CNTNAP2: variants seen among roughly 807,000 people sequenced by gnomAD.
CNTNAP2 encodes contactin-associated protein-like 2.
CNTNAP2 carries 98 observed loss-of-function variants against 155.2 expected under a neutral mutation model. The observed-to-expected ratio is 0.63, with a 90% CI of 0.54 to 0.75. The LOEUF (loss-of-function observed/expected upper bound fraction) is 0.75, where lower values mean the gene tolerates loss of function less well. Among genes scored for constraint, CNTNAP2 ranks in the 30% least tolerant of loss-of-function variants. The pLI, the probability that CNTNAP2 is intolerant of heterozygous loss-of-function variation, is 0.00. For missense variants in CNTNAP2, 1,727 were observed against 1,688.1 expected, an observed-to-expected ratio of 1.02 and a Z score of -0.40; for synonymous variants, 651 against 631.2, an observed-to-expected ratio of 1.03 and a Z score of -0.47.
chr7:148,324,953 G>A (rs541986341), intron 21 of CNTNAP2, among the ~76,000 whole-genome samples: 1 of 152,286 alleles, frequency 6.6e-6, no homozygotes, highest in Non-Finnish European at 1.5e-5. Flanking sequence ...ATTCTAATCA[G>A]GCAGAGCAGA....
chr7:146,370,932 T>C (rs1439616837), intron 1 of CNTNAP2, among the ~76,000 whole-genome samples: 2 of 152,212 alleles, frequency 1.3e-5, no homozygotes, highest in East Asian at 3.8e-4. Context: ...AAAAGCTTGA[T>C]AGAGCTATAC....
At chr7:147,877,894 T>C (rs1261174342) in intron 13 of CNTNAP2, among the ~76,000 whole-genome samples, 2 of 152,352 alleles carry the variant, frequency 1.3e-5, no homozygotes, top group Middle Eastern at 3.4e-3. Flanking sequence ...CACCAGTGTT[T>C]GCTGGCTGCT....
intron 1 of CNTNAP2, among the ~76,000 whole-genome samples, chr7:146,334,551 GT>G (rs1484953816): frequency 6.6e-6 from 1 of 151,152 alleles, no homozygotes; most frequent in African/African-American, 2.4e-5. Flanking sequence ...GCACCTGAGA[GT>G]TTGAAAAATA....
rs147692881 is a variant in CNTNAP2, at chr7:148,299,510, G to A, written c.3475+32384G>A. 7.6e-3 allele frequency among the ~76,000 whole-genome samples: 1,157 copies of A among 152,272 alleles called. 12 individuals carry two copies. The highest frequency in any genetic ancestry group is 0.026 in the African/African-American group (1,092 of 41,556). ...GACAGGATGCACCTCCAATGACCAC[G>A]TGTTTCTAGGTTGTTTCCAAGGGCA... is the stretch of plus-strand genomic sequence containing the variant. On this transcript the variant is annotated intron_variant, in intron 21 of 23. Coordinates refer to ENST00000361727, the MANE Select transcript of CNTNAP2 (RefSeq NM_014141.6).
chr7:148,261,041 C>T (rs1367382392), intron 20 of CNTNAP2, among the ~76,000 whole-genome samples: 4 of 152,216 alleles, frequency 2.6e-5, no homozygotes, highest in Admixed American at 6.5e-5. Flanking sequence ...CTCAACTCCC[C>T]GCCTCTGGAG....
intron 11 of CNTNAP2, among the ~76,000 whole-genome samples, chr7:147,532,703 A>G (rs1799463778): frequency 2.0e-5 from 3 of 152,202 alleles, no homozygotes; most frequent in Admixed American, 2.0e-4. Context: ...AGGAGGCCTC[A>G]GAATCATGGT....
chr7:147,637,116 T>G (rs113218530), intron 12 of CNTNAP2, among the ~76,000 whole-genome samples: 73 of 152,236 alleles, frequency 4.8e-4, no homozygotes, highest in African/African-American at 1.6e-3. Flanking sequence ...TCAGCTGTTT[T>G]AAGGACTTGA....
chr7:146,767,603 T>C (rs2129184881), intron 1 of CNTNAP2, among the ~76,000 whole-genome samples: 1 of 152,236 alleles, frequency 6.6e-6, no homozygotes, highest in East Asian at 1.9e-4. Context: ...GAGCAAGAGA[T>C]ACACAAAAGC....
chr7:146,976,153 G>T (rs775430259), intron 3 of CNTNAP2, among the ~76,000 whole-genome samples: 3 of 152,176 alleles, frequency 2.0e-5, no homozygotes, highest in Non-Finnish European at 4.4e-5. Context: ...TATCACAGAG[G>T]CCAGGTGTGA....
intron 1 of CNTNAP2, among the ~76,000 whole-genome samples, chr7:146,679,237 C>T (rs1404885735): frequency 2.6e-5 from 4 of 151,932 alleles, no homozygotes; most frequent in Non-Finnish European, 5.9e-5. Context: ...TTAGCTTCCA[C>T]TTACAAGTGA....
At chr7:147,983,017 CAAAAAAAAAA>C (rs35946958) in intron 15 of CNTNAP2, among the ~76,000 whole-genome samples, 1 of 80,878 alleles carries the variant, frequency 1.2e-5, no homozygotes, top group South Asian at 5.0e-4. Flanking sequence ...GACTCCACCT[CAAAAAAAAAA>C]AAAAAAAAAG....
At chr7:148,346,467 T>C (rs758961948) in intron 21 of CNTNAP2, among the ~76,000 whole-genome samples, 6 of 152,328 alleles carry the variant, frequency 3.9e-5, no homozygotes, top group South Asian at 2.1e-4. Context: ...GATTGCGATT[T>C]TTGCCATTGA....
At chr7:146,921,895 A>T (rs945543350) in intron 3 of CNTNAP2, among the ~76,000 whole-genome samples, 2 of 152,212 alleles carry the variant, frequency 1.3e-5, no homozygotes, top group African/African-American at 4.8e-5. Context: ...GTAGAAGGTC[A>T]TTCTAGGTCC....
intron 22 of CNTNAP2, 51 bp from the exon 23 acceptor site, chr7:148,409,340 G>T: frequency 7.3e-7 from 1 of 1,364,052 alleles, no homozygotes; most frequent in South Asian, 1.2e-5. Context: ...CAAATTATTT[G>T]GGATCAATAG....
chr7:147,382,752 C>T (rs1796556432), intron 9 of CNTNAP2, among the ~76,000 whole-genome samples: 1 of 152,088 alleles, frequency 6.6e-6, no homozygotes, highest in African/African-American at 2.4e-5. Context: ...TAGGAACTCT[C>T]TCACTTACAG....
chr7:146,473,122 G>C (rs1796823982), intron 1 of CNTNAP2, among the ~76,000 whole-genome samples: 1 of 151,974 alleles, frequency 6.6e-6, no homozygotes, highest in Non-Finnish European at 1.5e-5. Context: ...AGTTGTCCGT[G>C]ATCTAGCATC....
intron 11 of CNTNAP2, among the ~76,000 whole-genome samples, chr7:147,510,939 A>C (rs559700127): frequency 7.5e-5 from 11 of 146,720 alleles, no homozygotes; most frequent in Non-Finnish European, 1.0e-4. Context: ...CAGTCAATCC[A>C]ACAGTTCTAT....
intron 9 of CNTNAP2, among the ~76,000 whole-genome samples, chr7:147,388,280 C>A (rs977746744): frequency 2.6e-5 from 4 of 152,122 alleles, no homozygotes; most frequent in Admixed American, 2.6e-4. Context: ...TTTGGTGTGG[C>A]AAAATGTTCC....
chr7:146,741,124 G>A (rs1028306469), intron 1 of CNTNAP2, among the ~76,000 whole-genome samples: 2 of 152,098 alleles, frequency 1.3e-5, no homozygotes, highest in African/African-American at 2.4e-5. Context: ...TGTGCTGCCT[G>A]GGGTTGGGAG....
Sources: gnomAD v4.1 joint callset for allele counts (sites outside exome capture counted in the v4.1 genomes callset) on GRCh38, gnomAD v4.1.1 for gene constraint, MANE v1.5 for transcripts, NCBI Gene and HGNC (gene_info 2026-07-23, HGNC 2026-07-21) for gene names.